Variants in CDCP2 observed in about 807,000 individuals in gnomAD.
The protein encoded by CDCP2 is CUB domain-containing protein 2.
In CDCP2, 31 loss-of-function variants were observed where a neutral mutation model predicts 31.0. The observed-to-expected ratio is 1.00, with a 90% CI of 0.75 to 1.35. The LOEUF (loss-of-function observed/expected upper bound fraction) is 1.35. Ranked by LOEUF, CDCP2 falls within the 40% of genes most tolerant of loss-of-function variation. The pLI, the probability that CDCP2 is intolerant of heterozygous loss-of-function variation, is 0.00. For missense variants in CDCP2, 443 were observed against 482.6 expected, an observed-to-expected ratio of 0.92 and a Z score of 0.77; for synonymous variants, 206 against 207.9, an observed-to-expected ratio of 0.99 and a Z score of 0.08.
chr1:54,150,405 G>A (rs1012319714), intron 1 of CDCP2, among the ~76,000 whole-genome samples: 1 of 152,140 alleles, frequency 6.6e-6, no homozygotes, highest in African/African-American at 2.4e-5. Context: ...GACCAGCCCA[G>A]CCAACATGGT....
chr1:54,139,647 G>GGGA, intron 4 of CDCP2, 106 bp downstream of exon 4: 1 of 1,223,096 alleles, frequency 8.2e-7, no homozygotes, highest in South Asian at 1.3e-5. Context: ...ACCATTCATG[G>GGGA]GGGGGGCAGG....
At chr1:54,135,748 A>G (rs1659246455) in intron 5 of CDCP2, among the ~76,000 whole-genome samples, 1 of 151,652 alleles carries the variant, frequency 6.6e-6, no homozygotes, top group South Asian at 2.1e-4. Context: ...GGTCAAAAGG[A>G]TGGTGGTTGC....
At chr1:54,152,152 C>T (rs76147413) in intron 1 of CDCP2, among the ~76,000 whole-genome samples, 384 of 152,056 alleles carry the variant, frequency 2.5e-3, no homozygotes, top group African/African-American at 8.8e-3. Flanking sequence ...AGCAGGGTCT[C>T]GGGAGGAGAA....
At chr1:54,150,768 T>C (rs1003157772) in intron 1 of CDCP2, among the ~76,000 whole-genome samples, 2 of 152,232 alleles carry the variant, frequency 1.3e-5, no homozygotes, top group East Asian at 1.9e-4. Context: ...AGAGCCAATG[T>C]ATTCTTCTTT....
intron 2 of CDCP2, chr1:54,141,935 C>T (rs1004265523): frequency 8.5e-5 from 13 of 153,488 alleles, no homozygotes; most frequent in South Asian, 2.0e-4. Context: ...AAGGGAGCTG[C>T]GGCATTTACA....
At chr1:54,141,077 T>C in intron 3 of CDCP2, 21 bp downstream of exon 3, 2 of 1,508,440 alleles carry the variant, frequency 1.3e-6, no homozygotes, top group African/African-American at 2.8e-5. Context: ...GGATTCAGGG[T>C]GGAGCGCCAG....
chr1:54,141,500 A>T, intron 2 of CDCP2, 67 bp from the exon 3 acceptor site: 2 of 1,376,350 alleles, frequency 1.5e-6, no homozygotes, highest in Non-Finnish European at 2.0e-6. Context: ...TCCCTTGGGA[A>T]CAAGACACTC....
chr1:54,139,752 C>T lies in CDCP2; in HGVS notation c.1117+1G>A. 1 of 1,614,266 alleles carries T rather than the reference C, an allele frequency of 6.2e-7. No homozygotes were observed. ...GGACCCACTCCCACAGCCCAGCTGA[C>T]CTCCGATGTAGGCCACAGAGAAGCC... On this transcript the variant is annotated splice_donor_variant, in intron 4 of 5. Coordinates refer to ENST00000530059, the Ensembl canonical transcript of CDCP2. LOFTEE classifies it high-confidence loss of function.
intron 1 of CDCP2, among the ~76,000 whole-genome samples, chr1:54,148,868 A>AAAG (rs1659522329): frequency 6.6e-6 from 1 of 151,200 alleles, no homozygotes. Context: ...CTGTCTCTGC[A>AAAG]AATAATAATA....
chr1:54,133,238 C>G (rs553317428), exon 6 of CDCP2: 1 of 399,142 alleles, frequency 2.5e-6, no homozygotes. Context: ...CCTCCCGCCC[C>G]GCGGCTGAGA....
intron 1 of CDCP2, among the ~76,000 whole-genome samples, chr1:54,146,439 C>T (rs899199866): frequency 2.0e-5 from 3 of 151,758 alleles, no homozygotes; most frequent in Admixed American, 6.6e-5. Flanking sequence ...CTTGGCCTCC[C>T]GAAGTGCTGG....
In CDCP2 at chr1:54,141,108, GT is replaced by G. The variant is rs776170166; in HGVS notation, c.752del (p.Tyr251SerfsTer60). On this transcript the variant is annotated frameshift_variant, in exon 3 of 6. Coordinates refer to ENST00000530059, the Ensembl canonical transcript of CDCP2. LOFTEE classifies it high-confidence loss of function. ...GCCAGCCCCTCCTACCTGAGAAGTA[GT>G]AGGCCTTGAAGCCACGGCCTCCGAT... The G allele has an allele frequency of 2.0e-6, 3 of 1,527,558 alleles. No homozygotes were observed. Among genetic ancestry groups the G allele is most frequent in the Non-Finnish European group, 2.6e-6 (3 of 1,139,020 alleles). 94.6% of individuals were successfully genotyped at this position (1,527,558 alleles called of 1,614,324 possible).
chr1:54,135,608 G>A (rs2026111), intron 5 of CDCP2, among the ~76,000 whole-genome samples: 102,757 of 151,922 alleles, frequency 0.68, 35,026 homozygotes, highest in Non-Finnish European at 0.73. Flanking sequence ...CTTTGTCTCC[G>A]TCATTCCATG....
At chr1:54,134,104 C>T (rs529562765) in intron 5 of CDCP2, among the ~76,000 whole-genome samples, 19 of 152,266 alleles carry the variant, frequency 1.2e-4, no homozygotes, top group Admixed American at 1.0e-3. Flanking sequence ...TTCAAAGCAT[C>T]GACTCCAATC....
chr1:54,150,729 G>A (rs1157879547), intron 1 of CDCP2, among the ~76,000 whole-genome samples: 1 of 152,210 alleles, frequency 6.6e-6, no homozygotes, highest in African/African-American at 2.4e-5. Context: ...CCTGAGCCCA[G>A]CTCGGCTACC....
At chr1:54,149,762 G>A (rs1474601030) in intron 1 of CDCP2, among the ~76,000 whole-genome samples, 2 of 152,166 alleles carry the variant, frequency 1.3e-5, no homozygotes, top group African/African-American at 4.8e-5. Context: ...CTACCGTATT[G>A]CAAGCACCCA....
At chr1:54,136,590 G>A (rs1570057014) in intron 5 of CDCP2, 40 bp downstream of exon 5, 1 of 399,378 alleles carries the variant, frequency 2.5e-6, no homozygotes, top group East Asian at 3.6e-5. Context: ...AGCAGGGTCA[G>A]AGTCCCTCCC....
chr1:54,151,440 G>C (rs757567151), intron 1 of CDCP2, among the ~76,000 whole-genome samples: 1 of 152,192 alleles, frequency 6.6e-6, no homozygotes, highest in African/African-American at 2.4e-5. Flanking sequence ...AGGGAAAGGC[G>C]CCAGAGCATC....
At chr1:54,148,956 T>A (rs1659524923) in intron 1 of CDCP2, among the ~76,000 whole-genome samples, 1 of 143,272 alleles carries the variant, frequency 7.0e-6, no homozygotes, top group African/African-American at 2.7e-5. Flanking sequence ...TTTGAACAAA[T>A]GAATTGTTTA....
Sources: gnomAD v4.1 joint callset for allele counts (sites outside exome capture counted in the v4.1 genomes callset) on GRCh38, gnomAD v4.1.1 for gene constraint, MANE v1.5 for transcripts, NCBI Gene and HGNC (gene_info 2026-07-23, HGNC 2026-07-21) for gene names.